The following ANTXR1 variants were observed in gnomAD, a reference collection of about 807,000 sequenced individuals.
ANTXR1 encodes ANTXR cell adhesion molecule 1, also known as anthrax toxin receptor 1.
Under a neutral mutation model 78.1 loss-of-function variants are expected in ANTXR1, and 19 were observed. That is an observed-to-expected ratio of 0.24 (90% CI 0.17 to 0.36). ANTXR1 has a LOEUF of 0.36. Ranked by LOEUF, ANTXR1 falls within the 10% of genes least tolerant of loss-of-function variation. The pLI, the probability that ANTXR1 is intolerant of heterozygous loss-of-function variation, is 1.00. For synonymous variants in ANTXR1, 273 were observed against 260.5 expected, an observed-to-expected ratio of 1.05 and a Z score of -0.46; for missense variants, 518 against 718.6, an observed-to-expected ratio of 0.72 and a Z score of 3.19.
At chr2:69,180,385 A>C (rs1459732049) in intron 14 of ANTXR1, among the ~76,000 whole-genome samples, 1 of 152,216 alleles carries the variant, frequency 6.6e-6, no homozygotes, top group Non-Finnish European at 1.5e-5. Flanking sequence ...GAGAGAAATC[A>C]TGCCACTTCC....
chr2:69,224,240 T>A (rs1163470712), intron 17 of ANTXR1, among the ~76,000 whole-genome samples: 1 of 152,208 alleles, frequency 6.6e-6, no homozygotes, highest in East Asian at 1.9e-4. Context: ...CGTCAGATTG[T>A]GTATGATCAT....
At chr2:69,054,546 A>G in intron 3 of ANTXR1, among the ~76,000 whole-genome samples, 2 of 152,158 alleles carry the variant, frequency 1.3e-5, no homozygotes, top group East Asian at 3.9e-4. Context: ...TTGCTTAAGG[A>G]GGTAGAATGG....
intron 9 of ANTXR1, 59 bp downstream of exon 9, chr2:69,090,978 T>C: frequency 6.5e-7 from 1 of 1,546,420 alleles, no homozygotes; most frequent in Non-Finnish European, 8.9e-7. Context: ...TGAGTTCAAG[T>C]CACGTATGTA....
intron 12 of ANTXR1, among the ~76,000 whole-genome samples, chr2:69,129,904 G>A (rs11685794): frequency 0.18 from 27,201 of 152,184 alleles, 2,846 homozygotes; most frequent in East Asian, 0.42. Flanking sequence ...GATTTGAAAC[G>A]TAGTAATTAC....
At position 69,043,159 on chromosome 2, in the gene ANTXR1, C is replaced by A. The variant is rs1405807068; in HGVS notation, c.225-1583C>A. ...CAGTATATAATGTGGCAGTTAGGAG[C>A]CCAAGTTCTAGAATTAAAACACTTG... On this transcript the variant is annotated intron_variant, in intron 2 of 17. Transcript: ENST00000303714. Among the ~76,000 whole-genome samples, 3 of 152,152 alleles carry A rather than the reference C, an allele frequency of 2.0e-5. No homozygotes were observed. The East Asian group carries it at 5.8e-4, about 29-fold the overall frequency.
chr2:69,019,850 T>G (rs1325621736), intron 1 of ANTXR1, among the ~76,000 whole-genome samples: 3 of 152,160 alleles, frequency 2.0e-5, no homozygotes, highest in Admixed American at 2.0e-4. Flanking sequence ...TTTCTGTTTG[T>G]GCATTAGTTT....
chr2:69,084,848 CTTTTTTTTTT>C (rs10708894), intron 8 of ANTXR1, among the ~76,000 whole-genome samples: 1 of 94,058 alleles, frequency 1.1e-5, no homozygotes, highest in African/African-American at 4.2e-5. Flanking sequence ...GAAAAGGCAA[CTTTTTTTTTT>C]TTTTTTTTTT....
At chr2:69,121,351 C>A (rs111377237) in intron 10 of ANTXR1, among the ~76,000 whole-genome samples, 2 of 152,354 alleles carry the variant, frequency 1.3e-5, no homozygotes, top group African/African-American at 4.8e-5. Flanking sequence ...TGTTTCTCTT[C>A]TCAAAGCCTG....
Position 69,234,721 on chromosome 2 carries a change from C to T in ANTXR1, c.1435-10504C>T, listed in dbSNP as rs111911473. ...GAGATTACAGTGAGCTGAGATTGCA[C>T]CATTGCACTCCAGCCTGGGCAACAA... On this transcript the variant is annotated intron_variant, in intron 17 of 17. Coordinates refer to ENST00000303714, the MANE Select transcript of ANTXR1 (RefSeq NM_032208.3). Among the ~76,000 whole-genome samples, 1,252 of 152,230 alleles carry T rather than the reference C, an allele frequency of 8.2e-3. 15 individuals are homozygous for T. The highest frequency in any genetic ancestry group is 0.029 in the African/African-American group (1,197 of 41,520).
At position 69,068,789 on chromosome 2, in the gene ANTXR1, A is replaced by T. The variant is rs186290388; in HGVS notation, c.297-1858A>T. On this transcript the variant is annotated intron_variant, in intron 3 of 17. Coordinates refer to ENST00000303714, the MANE Select transcript of ANTXR1 (RefSeq NM_032208.3). ...GGAAAAGGGGGCAAGAGGCCATTCA[A>T]AAGATAGCAGGTGACTACCCCAGTG... Among the ~76,000 whole-genome samples the T allele has an allele frequency of 1.8e-4, 27 of 152,350 alleles. 1 individual carries two copies. In the East Asian group the frequency reaches 4.0e-3, roughly 23 times the overall value.
intron 17 of ANTXR1, among the ~76,000 whole-genome samples, chr2:69,215,691 T>C (rs1356772221): frequency 6.6e-6 from 1 of 152,212 alleles, no homozygotes; most frequent in African/African-American, 2.4e-5. Context: ...CAGTAGAGTC[T>C]AGTAGAATGC....
intron 10 of ANTXR1, among the ~76,000 whole-genome samples, chr2:69,114,098 A>G (rs1672068660): frequency 6.6e-6 from 1 of 152,256 alleles, no homozygotes; most frequent in Non-Finnish European, 1.5e-5. Context: ...CCACAGAATT[A>G]TATGTAATCT....
In ANTXR1 at chr2:69,077,294, T is replaced by G. The variant is rs78279756; in HGVS notation, c.562-114T>G. Reference sequence around the variant, plus strand: ...CCCTGAGCCCAGTGAAGGCCTCATATTCCCCTGGGTTCTGAATATAACTAG... The same window carrying G: ...CCCTGAGCCCAGTGAAGGCCTCATAGTCCCCTGGGTTCTGAATATAACTAG... On this transcript the variant is annotated intron_variant, in intron 7 of 17. Coordinates refer to ENST00000303714, the MANE Select transcript of ANTXR1 (RefSeq NM_032208.3). The G allele has an allele frequency of 2.6e-3, 2,900 of 1,134,510 alleles. 58 individuals carry two copies. The African/African-American group carries it at 0.039, about 15-fold the overall frequency. The allele number at this position is 1,134,510 out of a possible 1,614,324, so 70.3% of individuals were successfully genotyped here. A position where few individuals can be genotyped will look rare whatever the true frequency, so the allele number is the denominator to read the frequency against.
At chr2:69,032,775 A>G (rs1032699722) in intron 1 of ANTXR1, among the ~76,000 whole-genome samples, 1 of 152,162 alleles carries the variant, frequency 6.6e-6, no homozygotes, top group African/African-American at 2.4e-5. Context: ...GTGTGTGTGC[A>G]TGTGCCTGTC....
chr2:69,120,797 G>C (rs1300649590), intron 10 of ANTXR1, among the ~76,000 whole-genome samples: 1 of 152,174 alleles, frequency 6.6e-6, no homozygotes, highest in Non-Finnish European at 1.5e-5. Flanking sequence ...TCTGCCAACA[G>C]CTGATTCCAA....
At chr2:69,068,976 T>G (rs189877242) in intron 3 of ANTXR1, among the ~76,000 whole-genome samples, 1 of 152,316 alleles carries the variant, frequency 6.6e-6, no homozygotes, top group Non-Finnish European at 1.5e-5. Flanking sequence ...AGTTTCTGAC[T>G]TGGGCGGCTG....
chr2:69,159,852 C>G (rs1421417852), intron 13 of ANTXR1, among the ~76,000 whole-genome samples: 1 of 152,190 alleles, frequency 6.6e-6, no homozygotes, highest in Non-Finnish European at 1.5e-5. Flanking sequence ...CACTGGACAT[C>G]TCCAATGACA....
chr2:69,057,939 A>G (rs1232333684), intron 3 of ANTXR1, among the ~76,000 whole-genome samples: 3 of 152,214 alleles, frequency 2.0e-5, no homozygotes, highest in Non-Finnish European at 4.4e-5. Context: ...TGCCGATTTT[A>G]GTGGTTTGGA....
intron 10 of ANTXR1, among the ~76,000 whole-genome samples, chr2:69,111,764 C>A (rs1374321038): frequency 1.3e-5 from 2 of 152,204 alleles, no homozygotes; most frequent in Non-Finnish European, 2.9e-5. Context: ...AGAGACAACA[C>A]TCATTCGAAC....
Sources: gnomAD v4.1 joint callset for allele counts (sites outside exome capture counted in the v4.1 genomes callset) on GRCh38, gnomAD v4.1.1 for gene constraint, MANE v1.5 for transcripts, NCBI Gene and HGNC (gene_info 2026-07-23, HGNC 2026-07-21) for gene names.